PAN2: variants seen among roughly 807,000 people sequenced by gnomAD.
PAN2 encodes the protein poly(A) specific ribonuclease subunit PAN2, also known as PAN2-PAN3 deadenylation complex catalytic subunit PAN2.
Under a neutral mutation model 133.3 loss-of-function variants are expected in PAN2, and 68 were observed. The ratio of observed to expected loss-of-function variants is 0.51; its 90% CI spans 0.42 to 0.62. The LOEUF (loss-of-function observed/expected upper bound fraction) is 0.62. PAN2 is among the 20% of genes least tolerant of loss of function. The probability of loss-of-function intolerance (pLI) is 0.00; values close to 1 mark genes in which losing one functional copy is unlikely to be tolerated. For missense variants in PAN2, 1,042 were observed against 1,500.5 expected, an observed-to-expected ratio of 0.69 and a Z score of 5.05; for synonymous variants, 462 against 544.6, an observed-to-expected ratio of 0.85 and a Z score of 2.11.
In PAN2 at chr12:56,327,612, C is replaced by T. The variant is rs372506474; in HGVS notation, c.671G>A (p.Arg224His). ...AAACTCATGTTCCACCTTAAAAGTACGGAGGTCTCTCAGGGAAACCTAGAA... is the reference window on the plus strand; with the variant it reads ...AAACTCATGTTCCACCTTAAAAGTATGGAGGTCTCTCAGGGAAACCTAGAA... ...TSGKVSLRDL[R>H]TFKVEHEFDA... Residue 224 changes from arginine (R) to histidine (H), a missense_variant, in exon 6 of 26, where the codon CGT (arginine) becomes CAT (histidine). Coordinates refer to ENST00000440411, the MANE Select transcript of PAN2 (RefSeq NM_014871.6). The T allele has an allele frequency of 2.3e-5, 37 of 1,613,390 alleles. 2 individuals carry two copies. The highest frequency in any genetic ancestry group is 1.7e-4 in the Middle Eastern group (1 of 6,060).
In PAN2 at chr12:56,319,924, A is replaced by G. The variant is rs1409891783; in HGVS notation, c.2886T>C (p.Asn962=). 4 of 1,612,912 alleles carry G rather than the reference A, an allele frequency of 2.5e-6. No homozygotes were observed. In the African/African-American group the frequency reaches 5.3e-5, roughly 22 times the overall value. ...THTTFIPLML[N]EMPQIGDLVG... is the part of the protein sequence containing the mutation. ...CCAGGTCCCCAATCTGTGGCATCTC[A>G]TTCAGCATCAGTGGAATAAAGGTAG... is the stretch of plus-strand genomic sequence containing the variant. The change falls in exon 21 of 26, where the codon AAT becomes AAC. Residue 962 remains asparagine (N), a synonymous_variant. Transcript: ENST00000440411. This position sits in a 1 kb window ranked among gnomAD's most constrained non-coding sequence, Gnocchi z 5.4.
Position 56,317,443 on chromosome 12 carries a change from A to G in PAN2, c.*166T>C. Reference sequence around the variant, plus strand: ...TCTGGCTCCTAGAACCTTTGCAACAATTCTGCTGTGTTCCAGTTCAATTAA... The same window carrying G: ...TCTGGCTCCTAGAACCTTTGCAACAGTTCTGCTGTGTTCCAGTTCAATTAA... On this transcript the variant is annotated 3_prime_UTR_variant, in exon 26 of 26. Coordinates refer to ENST00000440411, the MANE Select transcript of PAN2 (RefSeq NM_014871.6). The G allele has an allele frequency of 1.6e-6, 1 of 640,030 alleles. No homozygotes were observed. The highest frequency in any genetic ancestry group is 1.8e-5 in the African/African-American group (1 of 54,922). 39.6% of individuals were successfully genotyped at this position (640,030 alleles called of 1,614,324 possible).
chr12:56,328,397 C>T, intron 3 of PAN2, 39 bp from the exon 4 acceptor site: 1 of 1,596,796 alleles, frequency 6.3e-7, no homozygotes, highest in African/African-American at 1.3e-5. Context: ...CCAGGCCTTA[C>T]AAGCTGCCAA....
intron 8 of PAN2, 125 bp from the exon 9 acceptor site, chr12:56,325,579 T>G: frequency 1.0e-6 from 1 of 989,040 alleles, no homozygotes; most frequent in East Asian, 2.4e-5. Flanking sequence ...ACTCTCAGCA[T>G]CCGCTGCTTC....
Position 56,324,474 on chromosome 12 carries a change from G to A in PAN2, c.1748C>T (p.Ala583Val). The part of the protein sequence containing the change: ...DPCQGNNFLR[A>V]FRTIPEASAL... ...TGAGGCCTCAGGAATAGTACGGAAT[G>A]CCCGAAGAAAATTATTGCCCTGGAA... is the stretch of plus-strand genomic sequence containing the variant. The change falls in exon 12 of 26, where the codon GCA (alanine) becomes GTA (valine). Residue 583 changes from alanine (A) to valine (V), a missense_variant. Physicochemically the swap from Ala to Val is moderately conservative, Grantham distance 64. This residue lies in a region of PAN2 where 908 missense variants were observed against 1,223.5 expected (regional missense o/e 0.74). Coordinates refer to ENST00000440411, the MANE Select transcript of PAN2 (RefSeq NM_014871.6). The A allele has an allele frequency of 6.2e-7, 1 of 1,613,462 alleles. No homozygotes were observed. The highest frequency in any genetic ancestry group is 8.5e-7 in the Non-Finnish European group (1 of 1,179,482).
chr12:56,322,032 C>T, intron 20 of PAN2, 46 bp downstream of exon 20: 1 of 1,003,506 alleles, frequency 1.0e-6, no homozygotes, highest in African/African-American at 1.6e-5. Context: ...ACCCTGAAGC[C>T]CAATCTAAAC....
At chr12:56,327,227 C>T in intron 6 of PAN2, 137 bp downstream of exon 6, 1 of 972,682 alleles carries the variant, frequency 1.0e-6, no homozygotes, top group Non-Finnish European at 1.5e-6. Flanking sequence ...TCTGGCCAAA[C>T]CCAAGTAAAA....
chr12:56,333,365 G>C, intron 1 of PAN2, 157 bp from the exon 2 acceptor site: 1 of 497,522 alleles, frequency 2.0e-6, no homozygotes, highest in Non-Finnish European at 3.7e-6. Context: ...GGCAGTGGGG[G>C]TGGAGGTGGT....
chr12:56,333,187 G>A lies in PAN2; in HGVS notation c.-93C>T. ...AACCTTCAGCAAGACAGCACCGATG[G>A]GCCTAGAATGGACATCCTGGCCTGT... is the stretch of plus-strand genomic sequence containing the variant. On this transcript the variant is annotated 5_prime_UTR_variant, in exon 2 of 26. Coordinates refer to ENST00000440411, the MANE Select transcript of PAN2 (RefSeq NM_014871.6). 2 of 1,313,402 alleles carry A rather than the reference G, an allele frequency of 1.5e-6. No homozygotes were observed. Among genetic ancestry groups the A allele is most frequent in the Non-Finnish European group, 2.1e-6 (2 of 933,746 alleles). 81.4% of individuals were successfully genotyped at this position (1,313,402 alleles called of 1,614,324 possible).
intron 10 of PAN2, 66 bp downstream of exon 10, chr12:56,324,943 T>A: frequency 6.3e-7 from 1 of 1,580,722 alleles, no homozygotes; most frequent in Non-Finnish European, 8.6e-7. Flanking sequence ...AAGAGCAGGG[T>A]CGAGAGCCAT....
chr12:56,319,032 T>A lies in PAN2; in HGVS notation c.3364+56A>T, dbSNP rs544211813. ...GCAAAGAACATGATTTCTTTTTTTT[T>A]AAATGGCTGCTTCTGCTATTAATGT... On this transcript the variant is annotated intron_variant, in intron 24 of 25. Transcript: ENST00000440411. The surrounding 1 kb of genome is among the most constrained non-coding windows in gnomAD (Gnocchi z 5.4). The A allele has an allele frequency of 1.8e-4, 272 of 1,535,508 alleles. No individual in the cohort carries two copies. The highest frequency in any genetic ancestry group is 2.2e-4 in the Non-Finnish European group (240 of 1,109,310).
At position 56,317,329 on chromosome 12, in the gene PAN2, A is replaced by C; in HGVS notation, c.*280T>G. On this transcript the variant is annotated 3_prime_UTR_variant, in exon 26 of 26. Coordinates refer to ENST00000440411, the MANE Select transcript of PAN2 (RefSeq NM_014871.6). ...TCTGCCTGGATATTAGTCACCCAGG[A>C]TATTAAGAATACCAATTACTTTCCA... 1 of 468,452 alleles carries C rather than the reference A, an allele frequency of 2.1e-6. No homozygotes were observed. The highest frequency in any genetic ancestry group is 3.8e-6 in the Non-Finnish European group (1 of 260,518). 29.0% of individuals were successfully genotyped at this position (468,452 alleles called of 1,614,324 possible). A position where few individuals can be genotyped will look rare whatever the true frequency, so the allele number is the denominator to read the frequency against.
rs560936582 is a variant in PAN2, at chr12:56,317,501, G to A, written c.*108C>T. 24 of 856,714 alleles carry A rather than the reference G, an allele frequency of 2.8e-5. No homozygotes were observed. Among genetic ancestry groups the A allele is most frequent in the African/African-American group, 2.5e-4 (15 of 60,746 alleles). 53.1% of individuals were successfully genotyped at this position (856,714 alleles called of 1,614,324 possible). On this transcript the variant is annotated 3_prime_UTR_variant, in exon 26 of 26. Coordinates refer to ENST00000440411, the MANE Select transcript of PAN2 (RefSeq NM_014871.6). Reference sequence around the variant, plus strand: ...ATCTGTGACCCTAGACCCTGAGCACGTCCAGTACTGGAAGTGGACAAGGTA... The same window carrying A: ...ATCTGTGACCCTAGACCCTGAGCACATCCAGTACTGGAAGTGGACAAGGTA...
chr12:56,329,042 A>G (rs541566144), intron 2 of PAN2, among the ~76,000 whole-genome samples: 1 of 152,288 alleles, frequency 6.6e-6, no homozygotes, highest in South Asian at 2.1e-4. Context: ...ATCATTTTCT[A>G]TAACGGATTT....
intron 2 of PAN2, among the ~76,000 whole-genome samples, chr12:56,331,700 G>GTTTTT (rs67869491): frequency 1.6e-5 from 2 of 125,328 alleles, no homozygotes; most frequent in Non-Finnish European, 1.9e-5. Context: ...GAAGGACAGC[G>GTTTTT]TTTTTTTTTT....
chr12:56,321,589 G>A (rs1874544942), intron 20 of PAN2, among the ~76,000 whole-genome samples: 1 of 149,282 alleles, frequency 6.7e-6, no homozygotes, highest in African/African-American at 2.5e-5. Flanking sequence ...AGTTGCTCAC[G>A]CCTGTAATCC....
rs2135966254 is a variant in PAN2, at chr12:56,323,190, C to T, written c.2365G>A (p.Glu789Lys). Residue 789 changes from glutamate to lysine, a missense_variant, in exon 17 of 26, where the codon GAG (glutamate) becomes AAG (lysine). Glu to Lys is a moderately conservative substitution (Grantham distance 56). Transcript: ENST00000440411. ...LADWKELGSPEGVLVCPSIEE... is the reference protein window; with the variant it reads ...LADWKELGSPKGVLVCPSIEE... Reference sequence around the variant, plus strand: ...ATGGAGGGACACACCAGCACACCCTCTGGACTCCCTAGTTCCTTCCTATCA... The same window carrying T: ...ATGGAGGGACACACCAGCACACCCTTTGGACTCCCTAGTTCCTTCCTATCA... 2.0e-5 allele frequency: 32 copies of T among 1,614,182 alleles called. No homozygotes were observed. The highest frequency in any genetic ancestry group is 2.7e-5 in the Non-Finnish European group (32 of 1,180,032).
chr12:56,332,787 C>A (rs761747136), intron 2 of PAN2, 26 bp downstream of exon 2: 18 of 1,606,036 alleles, frequency 1.1e-5, no homozygotes, highest in Non-Finnish European at 1.5e-5. Context: ...CATCTTTCAA[C>A]CCTCACAAAG....
At position 56,324,051 on chromosome 12, in the gene PAN2, T is replaced by C; in HGVS notation, c.2063A>G (p.Asp688Gly). ...GAAGGGTATACCACTTTTGCTACCA[T>C]CAGGGTAGGAGAGTGTGAAAAGCAG... ...STLLFTLSYP[D>G]DKTGKNYDFA... Residue 688 changes from aspartate (D) to glycine (G), a missense_variant and splice_region_variant, in exon 13 of 26, where the codon GAT becomes GGT. By Grantham distance (94) the Asp-to-Gly change is moderately conservative. This residue lies in a region of PAN2 where 908 missense variants were observed against 1,223.5 expected (regional missense o/e 0.74). Coordinates refer to ENST00000440411, the MANE Select transcript of PAN2 (RefSeq NM_014871.6). 1.2e-6 allele frequency: 2 copies of C among 1,614,158 alleles called. No individual in the cohort carries two copies. Among genetic ancestry groups the C allele is most frequent in the Non-Finnish European group, 1.7e-6 (2 of 1,180,004 alleles).
Sources: gnomAD v4.1 joint callset for allele counts (sites outside exome capture counted in the v4.1 genomes callset) on GRCh38, gnomAD v4.1.1 for gene constraint, gnomAD v4.1.1 regional missense constraint, Gnocchi (gnomAD v3.1) non-coding constraint, MANE v1.5 for transcripts, NCBI Gene and HGNC (gene_info 2026-07-23, HGNC 2026-07-21) for gene names.